Variants in HPSE2 observed in about 807,000 individuals in gnomAD.
HPSE2 encodes heparanase 2 (inactive).
A neutral mutation model predicts 60.5 loss-of-function variants in HPSE2; 38 were observed. The observed-to-expected ratio is 0.63, with a 90% confidence interval of 0.48 to 0.82. The LOEUF (loss-of-function observed/expected upper bound fraction) is 0.82. HPSE2 is among the 40% of genes least tolerant of loss of function. The pLI, the probability that HPSE2 is intolerant of heterozygous loss-of-function variation, is 0.00. For missense variants in HPSE2, 713 were observed against 740.4 expected (o/e 0.96, Z 0.43); for synonymous variants, 295 against 293.2 (o/e 1.01, Z -0.06).
At chr10:98,747,718 A>G (rs2134341899) in intron 3 of HPSE2, among the ~76,000 whole-genome samples, 1 of 152,250 alleles carries the variant, frequency 6.6e-6, no homozygotes, top group East Asian at 1.9e-4. Context: ...GAGCTATACC[A>G]TTTTTTGGCA....
intron 2 of HPSE2, among the ~76,000 whole-genome samples, chr10:99,226,877 A>G (rs764792412): frequency 6.6e-6 from 1 of 152,074 alleles, no homozygotes; most frequent in Non-Finnish European, 1.5e-5. Flanking sequence ...AGCAATTATT[A>G]CTGTTGTGTT....
intron 9 of HPSE2, among the ~76,000 whole-genome samples, chr10:98,546,745 C>G (rs1312172434): frequency 4.6e-5 from 7 of 150,768 alleles, no homozygotes; most frequent in Non-Finnish European, 1.0e-4. Context: ...TAGGCATGGG[C>G]AAGGACTTCA....
intron 9 of HPSE2, among the ~76,000 whole-genome samples, chr10:98,530,585 C>T (rs1189293012): frequency 6.6e-6 from 1 of 152,172 alleles, no homozygotes; most frequent in Admixed American, 6.5e-5. Context: ...GCTCTCAGTC[C>T]AAAGGCTTTT....
At chr10:99,228,613 T>C in intron 2 of HPSE2, among the ~76,000 whole-genome samples, 1 of 152,206 alleles carries the variant, frequency 6.6e-6, no homozygotes, top group Non-Finnish European at 1.5e-5. Context: ...AACAGTAAGA[T>C]TCCTTGGGTA....
intron 9 of HPSE2, among the ~76,000 whole-genome samples, chr10:98,595,020 C>T (rs1161536741): frequency 6.6e-6 from 1 of 151,998 alleles, no homozygotes; most frequent in Non-Finnish European, 1.5e-5. Flanking sequence ...GTAATTCTTC[C>T]AATCCATGAA....
chr10:98,588,371 T>A (rs1429639900), intron 9 of HPSE2, among the ~76,000 whole-genome samples: 1 of 152,098 alleles, frequency 6.6e-6, no homozygotes, highest in Non-Finnish European at 1.5e-5. Flanking sequence ...AAGACAGGCA[T>A]GCAAGTGTTT....
intron 9 of HPSE2, among the ~76,000 whole-genome samples, chr10:98,514,654 T>C (rs1210945851): frequency 6.6e-6 from 1 of 151,586 alleles, no homozygotes; most frequent in East Asian, 1.9e-4. Context: ...ATCCTCCTTC[T>C]GGTCACAGCA....
At chr10:99,172,221 T>C (rs1847339128) in intron 2 of HPSE2, among the ~76,000 whole-genome samples, 1 of 152,174 alleles carries the variant, frequency 6.6e-6, no homozygotes, top group Non-Finnish European at 1.5e-5. Context: ...CGTGTACTGC[T>C]GCCATCTTGA....
At position 98,701,341 on chromosome 10, in the gene HPSE2, G is replaced by A. The variant is rs968836467; in HGVS notation, c.957-7394C>T. Among the ~76,000 whole-genome samples, 1,120 of 148,508 alleles carry A rather than the reference G, an allele frequency of 7.5e-3. 8 individuals carry two copies. The highest frequency in any genetic ancestry group is 0.011 in the Non-Finnish European group (718 of 67,124). ...CACGATGAGTTCATGTCCTTCGTAG[G>A]GACATGGATGAAATTGGAAATCATC... On this transcript the variant is annotated intron_variant, in intron 5 of 11. Transcript: ENST00000370552.
intron 3 of HPSE2, among the ~76,000 whole-genome samples, chr10:99,009,749 A>G (rs1258278029): frequency 1.3e-5 from 2 of 152,190 alleles, no homozygotes; most frequent in East Asian, 3.8e-4. Context: ...TAATATTTCA[A>G]AAAGAAAAAT....
chr10:98,700,006 T>C (rs1389904971), intron 5 of HPSE2, among the ~76,000 whole-genome samples: 1 of 151,600 alleles, frequency 6.6e-6, no homozygotes. Flanking sequence ...TGCAAACGAA[T>C]GGAAGAACAT....
chr10:98,509,309 AAAAACAACAACAAC>A (rs1299234523), intron 9 of HPSE2, among the ~76,000 whole-genome samples: 1 of 151,788 alleles, frequency 6.6e-6, no homozygotes, highest in Non-Finnish European at 1.5e-5. Flanking sequence ...ACTCCGTCTC[AAAAACAACAACAAC>A]AAAACAAAAA....
intron 3 of HPSE2, among the ~76,000 whole-genome samples, chr10:99,059,065 G>T (rs1334268822): frequency 6.6e-6 from 1 of 152,142 alleles, no homozygotes; most frequent in Non-Finnish European, 1.5e-5. Context: ...CTTTTCACAT[G>T]TCATGAAATA....
intron 2 of HPSE2, among the ~76,000 whole-genome samples, chr10:99,215,971 C>T (rs2133918850): frequency 6.6e-6 from 1 of 152,268 alleles, no homozygotes; most frequent in East Asian, 1.9e-4. Flanking sequence ...AAGTGTTTAG[C>T]ACAGTGCCTA....
chr10:98,791,497 T>G (rs1051590990), intron 3 of HPSE2, among the ~76,000 whole-genome samples: 1 of 152,176 alleles, frequency 6.6e-6, no homozygotes, highest in Non-Finnish European at 1.5e-5. Context: ...TAGGTGGACT[T>G]TTTCCTTATA....
chr10:98,834,307 A>G (rs1951745689), intron 3 of HPSE2, among the ~76,000 whole-genome samples: 1 of 152,182 alleles, frequency 6.6e-6, no homozygotes, highest in African/African-American at 2.4e-5. Context: ...GATACTTTAA[A>G]AACTAATTGG....
chr10:99,176,065 A>G (rs1416452065), intron 2 of HPSE2, among the ~76,000 whole-genome samples: 1 of 152,192 alleles, frequency 6.6e-6, no homozygotes, highest in Non-Finnish European at 1.5e-5. Flanking sequence ...ACAGAAAGGA[A>G]TAGCATCAAC....
In HPSE2 at chr10:98,630,236, C is replaced by T. The variant is rs1190296152; in HGVS notation, c.1099-9528G>A. Among the ~76,000 whole-genome samples, 3 of 141,896 alleles carry T rather than the reference C, an allele frequency of 2.1e-5. No individual in the cohort carries two copies. The Admixed American group carries it at 2.2e-4, about 10-fold the overall frequency. The allele number at this position is 141,896 out of a possible 152,430, so 93.1% of individuals were successfully genotyped here. On this transcript the variant is annotated intron_variant, in intron 7 of 11. Transcript: ENST00000370552. ...TTTTTGAGACAGAGTCTCGCTCTGT[C>T]ACCCAGGCTGGAGTGCAGTGGCGCC...
chr10:98,717,558 T>G (rs542906236), intron 5 of HPSE2, among the ~76,000 whole-genome samples: 11 of 152,054 alleles, frequency 7.2e-5, no homozygotes, highest in African/African-American at 2.4e-4. Context: ...ATTTTAATAT[T>G]GTTGCATCTC....
Sources: allele counts gnomAD v4.1 joint callset (sites outside exome capture counted in the v4.1 genomes callset), GRCh38; gene constraint gnomAD v4.1.1; transcripts MANE v1.5; gene names NCBI Gene and HGNC (gene_info 2026-07-23, HGNC 2026-07-21).